The following USP9X variants were observed in gnomAD, a reference collection of about 807,000 sequenced individuals.
The protein encoded by USP9X is ubiquitin carboxyl-terminal hydrolase 9X.
Under a neutral mutation model 190.3 loss-of-function variants are expected in USP9X, and 7 were observed. The ratio of observed to expected loss-of-function variants is 0.04; its 90% CI spans 0.02 to 0.07. The LOEUF (loss-of-function observed/expected upper bound fraction) is 0.07, where lower values mean the gene tolerates loss of function less well. Ranked by LOEUF, USP9X falls within the 10% of genes least tolerant of loss-of-function variation. The pLI, the probability that USP9X is intolerant of heterozygous loss-of-function variation, is 1.00. For synonymous variants in USP9X, 645 were observed against 659.5 expected (o/e 0.98, Z 0.34); for missense variants, 1,010 against 1,916.9 (o/e 0.53, Z 8.83).
At position 41,201,109 on chromosome X, in the gene USP9X, C is replaced by T. The variant is rs1441920584; in HGVS notation, c.4653C>T (p.Arg1551=). ...EWEYLPPVGP[R]PPKGFVGLKN... is the part of the protein sequence containing the mutation. The stretch of plus-strand genomic sequence containing the variant: ...AATATCTGCCACCTGTTGGACCCCG[C>T]CCACCCAAAGGATTCGTGGGGCTGA... Residue 1551 remains arginine, a synonymous_variant, in exon 31 of 45, where the codon CGC becomes CGT. Transcript: ENST00000378308. 8.3e-7 allele frequency: 1 copy of T among 1,209,839 alleles called. No homozygotes were observed. Among genetic ancestry groups the T allele is most frequent in the Non-Finnish European group, 1.1e-6 (1 of 895,272 alleles).
chrX:41,113,168 A>G (rs1185232265), intron 1 of USP9X, among the ~76,000 whole-genome samples: 1 of 112,388 alleles, frequency 8.9e-6, no homozygotes, highest in Non-Finnish European at 1.9e-5. Flanking sequence ...TAAAAATTCA[A>G]AAAGATCTAA....
At chrX:41,125,684 A>ACACACACACACTCTCTCTCTCTCT in intron 2 of USP9X, among the ~76,000 whole-genome samples, 11 of 19,021 alleles carry the variant, frequency 5.8e-4, no homozygotes, top group Admixed American at 7.6e-4. Context: ...ACACACACAC[A>ACACACACACACTCTCTCTCTCTCT]CTCTCTCTCT....
intron 2 of USP9X, among the ~76,000 whole-genome samples, chrX:41,127,042 G>T (rs1395009929): frequency 9.0e-6 from 1 of 110,948 alleles, no homozygotes; most frequent in Non-Finnish European, 1.9e-5. Flanking sequence ...AAATTTTCTG[G>T]AATGAAATTT....
At chrX:41,096,598 C>A (rs1162260128) in intron 1 of USP9X, among the ~76,000 whole-genome samples, 1 of 111,095 alleles carries the variant, frequency 9.0e-6, no homozygotes, top group African/African-American at 3.3e-5. Context: ...CACCACCACC[C>A]ACGGCGAATT....
intron 38 of USP9X, among the ~76,000 whole-genome samples, chrX:41,222,125 T>C (rs952083806): frequency 5.4e-5 from 6 of 111,915 alleles, no homozygotes; most frequent in African/African-American, 1.6e-4. Context: ...AATGGAGATA[T>C]ACAGTAGAAC....
chrX:41,185,320 T>C (rs1278653008), intron 23 of USP9X, among the ~76,000 whole-genome samples: 1 of 112,111 alleles, frequency 8.9e-6, no homozygotes, highest in East Asian at 2.8e-4. Context: ...ATATCACATA[T>C]AATTGTTTTA....
chrX:41,133,857 GT>G (rs1355473474), intron 4 of USP9X, among the ~76,000 whole-genome samples: 1 of 112,212 alleles, frequency 8.9e-6, no homozygotes, highest in Non-Finnish European at 1.9e-5. Flanking sequence ...ACGTAAGTTG[GT>G]TCAAAATCTT....
chrX:41,086,738 A>G (rs937973073), intron 1 of USP9X, among the ~76,000 whole-genome samples: 8 of 112,350 alleles, frequency 7.1e-5, no homozygotes, highest in African/African-American at 2.6e-4. Flanking sequence ...TTATTTGCAG[A>G]GGGCCAAAGC....
chrX:41,178,575 T>G (rs2062799642), intron 21 of USP9X, among the ~76,000 whole-genome samples: 1 of 112,044 alleles, frequency 8.9e-6, no homozygotes, highest in South Asian at 3.6e-4. Context: ...AAAAATCGGA[T>G]TTTTTGCTGT....
At position 41,085,813 on chromosome X, in the gene USP9X, G is replaced by T. The variant is rs1381020896; in HGVS notation, c.-455G>T. 3.4e-6 allele frequency: 1 copy of T among 297,102 alleles called. No homozygotes were observed. The highest frequency in any genetic ancestry group is 2.7e-5 in the African/African-American group (1 of 36,620). The allele number at this position is 297,102 out of a possible 1,213,427, so 24.5% of individuals were successfully genotyped here. A position where few individuals can be genotyped will look rare whatever the true frequency, so the allele number is the denominator to read the frequency against. On this transcript the variant is annotated 5_prime_UTR_variant, in exon 1 of 45. Coordinates refer to ENST00000378308, the MANE Select transcript of USP9X (RefSeq NM_001039591.3). ...GAAACGCACCGCCCGGAGCCCGTCT[G>T]AGCTCAGCGAGAGCCCCAGCCTGAG...
chrX:41,193,149 G>A (rs1421438317), intron 26 of USP9X, among the ~76,000 whole-genome samples: 1 of 110,849 alleles, frequency 9.0e-6, no homozygotes, highest in Non-Finnish European at 1.9e-5. Flanking sequence ...TAGGGGACGG[G>A]GACAGTTGTA....
intron 6 of USP9X, among the ~76,000 whole-genome samples, chrX:41,138,537 T>C (rs767627961): frequency 8.9e-5 from 10 of 112,046 alleles, no homozygotes; most frequent in Non-Finnish European, 1.7e-4. Flanking sequence ...AATCATTCTC[T>C]GGAGCTTTTG....
chrX:41,107,561 T>C (rs764420968), intron 1 of USP9X, among the ~76,000 whole-genome samples: 1 of 111,965 alleles, frequency 8.9e-6, no homozygotes, highest in African/African-American at 3.3e-5. Flanking sequence ...GTGTGTAGAT[T>C]AATGGTTTTC....
chrX:41,117,670 T>C (rs2062160216), intron 1 of USP9X, among the ~76,000 whole-genome samples: 1 of 98,356 alleles, frequency 1.0e-5, no homozygotes, highest in Non-Finnish European at 2.0e-5. Context: ...CTCTGCCTCC[T>C]GGGTTCACGC....
At chrX:41,163,910 C>T (rs2062655989) in intron 15 of USP9X, among the ~76,000 whole-genome samples, 1 of 109,884 alleles carries the variant, frequency 9.1e-6, no homozygotes, top group Non-Finnish European at 1.9e-5. Flanking sequence ...CGGAGTCTCA[C>T]TCTGTCGCCA....
rs773685843 is a variant in USP9X, at chrX:41,216,698, A to G, written c.6085+46A>G. The stretch of plus-strand genomic sequence containing the variant: ...GCTTCTTAGTAATAAAGAATAATTT[A>G]TAGTAGGCGTCAACATGTTTAAGTT... On this transcript the variant is annotated intron_variant, in intron 35 of 44. Coordinates refer to ENST00000378308, the MANE Select transcript of USP9X (RefSeq NM_001039591.3). The G allele has an allele frequency of 5.4e-6, 6 of 1,111,710 alleles. No homozygotes were observed. The Admixed American group carries it at 8.2e-5, about 15-fold the overall frequency. 91.6% of individuals were successfully genotyped at this position (1,111,710 alleles called of 1,213,427 possible).
At chrX:41,099,096 G>GTTTTTTTTTGTT (rs2062015166) in intron 1 of USP9X, among the ~76,000 whole-genome samples, 3 of 44,274 alleles carry the variant, frequency 6.8e-5, no homozygotes, top group Non-Finnish European at 7.4e-5. Flanking sequence ...CCAGATAATT[G>GTTTTTTTTTGTT]TTTTTTTTTT....
intron 31 of USP9X, among the ~76,000 whole-genome samples, chrX:41,203,994 G>A (rs914653952): frequency 2.7e-5 from 3 of 111,631 alleles, no homozygotes; most frequent in Non-Finnish European, 5.6e-5. Flanking sequence ...CACCATATGC[G>A]GCCAAATTTT....
intron 17 of USP9X, among the ~76,000 whole-genome samples, 166 bp downstream of exon 17, chrX:41,167,743 A>G (rs757384687): frequency 2.0e-4 from 22 of 112,344 alleles, no homozygotes; most frequent in African/African-American, 6.8e-4. Flanking sequence ...GAAATGGCAA[A>G]GAAAGTCTAT....
Sources: gnomAD v4.1 joint callset for allele counts (sites outside exome capture counted in the v4.1 genomes callset) on GRCh38, gnomAD v4.1.1 for gene constraint, MANE v1.5 for transcripts, NCBI Gene and HGNC (gene_info 2026-07-23, HGNC 2026-07-21) for gene names.